The following TBC1D22A variants were observed in gnomAD, a reference collection of about 807,000 sequenced individuals.
TBC1D22A encodes putative GTPase activator.
Under a neutral mutation model 60.2 loss-of-function variants are expected in TBC1D22A, and 38 were observed. The ratio of observed to expected loss-of-function variants is 0.63; its 90% CI spans 0.49 to 0.83. The LOEUF (loss-of-function observed/expected upper bound fraction) is 0.83, where lower values mean the gene tolerates loss of function less well. Ranked by LOEUF, TBC1D22A falls within the 40% of genes least tolerant of loss-of-function variation. TBC1D22A has a pLI of 0.00. For synonymous variants in TBC1D22A, 302 were observed against 281.7 expected (o/e 1.07, Z -0.72); for missense variants, 628 against 701.0 (o/e 0.90, Z 1.18).
chr22:46,793,054 C>T (rs976532856), intron 2 of TBC1D22A, among the ~76,000 whole-genome samples: 2 of 152,228 alleles, frequency 1.3e-5, no homozygotes, highest in African/African-American at 2.4e-5. Context: ...GAGGTGGGGC[C>T]GATGTTGTGT....
At chr22:46,767,517 C>A (rs527834536) in intron 1 of TBC1D22A, among the ~76,000 whole-genome samples, 22 of 152,232 alleles carry the variant, frequency 1.4e-4, no homozygotes, top group Non-Finnish European at 1.5e-5. Flanking sequence ...TATTAGTGAA[C>A]AAAATAGACC....
chr22:47,039,978 T>C (rs1391710075), intron 11 of TBC1D22A, among the ~76,000 whole-genome samples: 3 of 121,166 alleles, frequency 2.5e-5, no homozygotes, highest in Admixed American at 1.0e-4. Context: ...AGAGTCTCAC[T>C]CTGTTGTCCA....
intron 11 of TBC1D22A, among the ~76,000 whole-genome samples, chr22:47,037,863 A>C (rs1156738785): frequency 2.6e-5 from 4 of 152,104 alleles, no homozygotes; most frequent in African/African-American, 9.7e-5. Context: ...TCTGCCAAAA[A>C]ACTCACGCTC....
At chr22:46,770,270 G>A (rs2083439829) in intron 1 of TBC1D22A, among the ~76,000 whole-genome samples, 1 of 152,198 alleles carries the variant, frequency 6.6e-6, no homozygotes, top group African/African-American at 2.4e-5. Flanking sequence ...GGAGAGCAAG[G>A]CCTTGCTCCT....
At chr22:46,790,504 A>G (rs142486432) in intron 1 of TBC1D22A, among the ~76,000 whole-genome samples, 2 of 152,242 alleles carry the variant, frequency 1.3e-5, no homozygotes, top group African/African-American at 2.4e-5. Context: ...TCTGCTGACC[A>G]CACCACCAGA....
chr22:46,903,744 CGGGGGTGGAAAGGAAT>C (rs2069181476), intron 7 of TBC1D22A, among the ~76,000 whole-genome samples: 2 of 152,116 alleles, frequency 1.3e-5, no homozygotes, highest in African/African-American at 4.8e-5. Flanking sequence ...CCCCAGTGGA[CGGGGGTGGAAAGGAAT>C]CTCCTTGAAG....
At chr22:47,063,371 A>T (rs2063646970) in intron 11 of TBC1D22A, among the ~76,000 whole-genome samples, 1 of 152,002 alleles carries the variant, frequency 6.6e-6, no homozygotes, top group Admixed American at 6.5e-5. Context: ...ATTTGGGGAG[A>T]TGGAAGTTAG....
Position 46,774,282 on chromosome 22 carries a change from A to C in TBC1D22A, c.62+11434A>C, listed in dbSNP as rs375789084. 2.3e-5 allele frequency: 23 copies of C among 985,004 alleles called. No individual in the cohort carries two copies. The African/African-American group carries it at 3.7e-4, about 16-fold the overall frequency. The allele number at this position is 985,004 out of a possible 1,614,324, so 61.0% of individuals were successfully genotyped here. ...CCCCCTGGTGTTCTCTTTGCAGACA[A>C]GAGGCAGAGGTATCAGGAGGCCCAG... is the stretch of plus-strand genomic sequence containing the variant. On this transcript the variant is annotated intron_variant, in intron 1 of 12. Coordinates refer to ENST00000337137, the MANE Select transcript of TBC1D22A (RefSeq NM_014346.5).
intron 4 of TBC1D22A, among the ~76,000 whole-genome samples, chr22:46,839,228 G>A (rs185614998): frequency 1.3e-5 from 2 of 150,258 alleles, no homozygotes; most frequent in African/African-American, 4.9e-5. Context: ...ACTTAAGAAA[G>A]CCCCATTTAC....
chr22:47,113,534 C>G (rs1247754106), intron 12 of TBC1D22A, among the ~76,000 whole-genome samples: 1 of 152,228 alleles, frequency 6.6e-6, no homozygotes, highest in Non-Finnish European at 1.5e-5. Context: ...CTGGGCCCCA[C>G]TCTGGGCAGA....
At chr22:46,803,492 G>C (rs710118) in intron 4 of TBC1D22A, among the ~76,000 whole-genome samples, 115,068 of 152,124 alleles carry the variant, frequency 0.76, 43,922 homozygotes, top group African/African-American at 0.86. Context: ...GGGGAGGGCG[G>C]TTGGTTCTTG....
intron 12 of TBC1D22A, among the ~76,000 whole-genome samples, chr22:47,159,823 C>G (rs544348638): frequency 6.6e-6 from 1 of 151,548 alleles, no homozygotes; most frequent in Non-Finnish European, 1.5e-5. Context: ...GCACACAACC[C>G]CCACACACGC....
chr22:46,944,656 C>T (rs2072414677), intron 8 of TBC1D22A, among the ~76,000 whole-genome samples: 1 of 152,198 alleles, frequency 6.6e-6, no homozygotes, highest in Admixed American at 6.5e-5. Context: ...CCTTGGCCTC[C>T]CAAAGTGCTG....
intron 5 of TBC1D22A, among the ~76,000 whole-genome samples, chr22:46,886,111 G>T (rs2068101543): frequency 6.6e-6 from 1 of 152,066 alleles, no homozygotes; most frequent in African/African-American, 2.4e-5. Flanking sequence ...GTGTTAGCCA[G>T]GATGGTCTCA....
intron 11 of TBC1D22A, among the ~76,000 whole-genome samples, chr22:47,080,939 G>A (rs1309189654): frequency 2.0e-5 from 3 of 152,054 alleles, no homozygotes; most frequent in African/African-American, 2.4e-5. Flanking sequence ...TGACCAACAT[G>A]GAGAAACCCT....
At chr22:46,900,710 C>G (rs1192866525) in intron 7 of TBC1D22A, among the ~76,000 whole-genome samples, 3 of 152,164 alleles carry the variant, frequency 2.0e-5, no homozygotes, top group African/African-American at 4.8e-5. Context: ...CATGCTGTTG[C>G]AAGGATCAGG....
At chr22:46,863,712 C>A (rs536346215) in intron 4 of TBC1D22A, among the ~76,000 whole-genome samples, 1 of 152,310 alleles carries the variant, frequency 6.6e-6, no homozygotes, top group South Asian at 2.1e-4. Context: ...AAAAGCATTT[C>A]CGTCATTCAG....
intron 12 of TBC1D22A, among the ~76,000 whole-genome samples, chr22:47,121,715 T>A (rs28744540): frequency 0.021 from 2,868 of 137,370 alleles, 94 homozygotes; most frequent in African/African-American, 0.084. Flanking sequence ...TGAAAAAAAA[T>A]TTTTTTTTTT....
chr22:47,058,376 C>T (rs1159218592), intron 11 of TBC1D22A, among the ~76,000 whole-genome samples: 2 of 152,160 alleles, frequency 1.3e-5, no homozygotes, highest in Non-Finnish European at 2.9e-5. Flanking sequence ...GAAGCCATCA[C>T]AGGGCCAGTG....
Sources: gnomAD v4.1 joint callset for allele counts (sites outside exome capture counted in the v4.1 genomes callset) on GRCh38, gnomAD v4.1.1 for gene constraint, MANE v1.5 for transcripts, NCBI Gene and HGNC (gene_info 2026-07-23, HGNC 2026-07-21) for gene names.